The following TRMT44 variants were observed in gnomAD, a reference collection of about 807,000 sequenced individuals.
TRMT44 encodes probable tRNA (uracil-O(2)-)-methyltransferase.
Under a neutral mutation model 77.3 loss-of-function variants are expected in TRMT44, and 78 were observed. The observed-to-expected ratio is 1.01, with a 90% CI of 0.84 to 1.22. The LOEUF is 1.22. TRMT44 is among the 50% of genes most tolerant of loss of function. TRMT44 has a pLI of 0.00. For synonymous variants in TRMT44, 391 were observed against 383.3 expected (o/e 1.02, Z -0.23); for missense variants, 1,090 against 964.4 (o/e 1.13, Z -1.73).
intron 2 of TRMT44, among the ~76,000 whole-genome samples, chr4:8,447,804 C>T (rs917322713): frequency 6.6e-6 from 1 of 152,190 alleles, no homozygotes; most frequent in Non-Finnish European, 1.5e-5. Flanking sequence ...GGAGTGAGAG[C>T]AGACACTAGG....
At chr4:8,488,502 G>A (rs1727890322) in intron 2 of TRMT44, among the ~76,000 whole-genome samples, 1 of 152,256 alleles carries the variant, frequency 6.6e-6, no homozygotes, top group Non-Finnish European at 1.5e-5. Context: ...CTCAGGATGA[G>A]CCAGGAAAAG....
downstream of TRMT44, among the ~76,000 whole-genome samples, chr4:8,479,856 C>G (rs562564410): frequency 9.9e-5 from 15 of 152,168 alleles, no homozygotes; most frequent in Non-Finnish European, 1.9e-4. Flanking sequence ...CATCGTACAG[C>G]TGTACAAAAA....
chr4:8,494,212 T>G (rs1728090973), downstream of TRMT44, among the ~76,000 whole-genome samples: 1 of 151,634 alleles, frequency 6.6e-6, no homozygotes, highest in Non-Finnish European at 1.5e-5. Flanking sequence ...GCTGCATAGG[T>G]TTTAAAAAGC....
chr4:8,475,925 C>T lies in TRMT44; in HGVS notation c.2198C>T (p.Thr733Met), dbSNP rs758569191. ...CACCCTGATGGCTGCGCTCTGTCCA[C>T]GGACTGCTGCCCGTTTGCCCATGGG... Reference protein sequence around the residue: ...MHHPDGCALSTDCCPFAHGPA... With the variant: ...MHHPDGCALSMDCCPFAHGPA... The change falls in exon 11 of 11, where the codon ACG (threonine) becomes ATG (methionine). Residue 733 changes from threonine (T) to methionine (M), a missense_variant. Thr to Met is a moderately conservative substitution (Grantham distance 81, BLOSUM62 -1). Transcript: ENST00000389737. 6.2e-6 allele frequency: 10 copies of T among 1,614,202 alleles called. No homozygotes were observed. The highest frequency in any genetic ancestry group is 1.3e-5 in the African/African-American group (1 of 75,060).
intron 10 of TRMT44, among the ~76,000 whole-genome samples, chr4:8,472,565 T>G (rs973518603): frequency 2.6e-5 from 4 of 151,810 alleles, no homozygotes; most frequent in African/African-American, 7.3e-5. Context: ...AGTGCAAGCG[T>G]GTGGGTTTGT....
At chr4:8,454,461 T>C in intron 5 of TRMT44, 1 of 525,370 alleles carries the variant, frequency 1.9e-6, no homozygotes, top group South Asian at 2.2e-5. Context: ...ATCAGTACAG[T>C]ACTGTGCAGT....
chr4:8,441,345 G>A lies in TRMT44; in HGVS notation c.523G>A (p.Ala175Thr). ...CTCCGGGGCGGGATCGCAGCCAGAG[G>A]CGCAGCGTGAGCTCGACGTGGTTCT... ...TSSGAGSQPE[A>T]QRELDVVLRT... is the part of the protein sequence containing the mutation. The change falls in exon 1 of 11, where the codon GCG becomes ACG. Residue 175 changes from alanine (A) to threonine (T), a missense_variant. Transcript: ENST00000389737. 6 of 1,535,220 alleles carry A rather than the reference G, an allele frequency of 3.9e-6. No individual in the cohort carries two copies. Among genetic ancestry groups the A allele is most frequent in the Non-Finnish European group, 5.2e-6 (6 of 1,146,418 alleles).
chr4:8,465,294 G>A, intron 7 of TRMT44, 84 bp from the exon 8 acceptor site: 1 of 1,361,376 alleles, frequency 7.3e-7, no homozygotes, highest in Non-Finnish European at 1.0e-6. Flanking sequence ...CCTGATATGC[G>A]ATTGCCGTGT....
intron 2 of TRMT44, among the ~76,000 whole-genome samples, chr4:8,490,366 A>T (rs1190837688): frequency 6.6e-6 from 1 of 150,842 alleles, no homozygotes; most frequent in African/African-American, 2.4e-5. Context: ...TGATGCTCAG[A>T]TGTGTTCGGA....
chr4:8,456,553 A>G (rs1345337589), intron 6 of TRMT44, among the ~76,000 whole-genome samples: 1 of 152,146 alleles, frequency 6.6e-6, no homozygotes, highest in Non-Finnish European at 1.5e-5. Context: ...AAAAAAAAAA[A>G]AAAAGCAAGA....
Position 8,446,612 on chromosome 4 carries a change from C to G in TRMT44, c.734+22C>G, listed in dbSNP as rs1374845024. On this transcript the variant is annotated intron_variant, in intron 2 of 10. Transcript: ENST00000389737. The surrounding 1 kb of genome is among the most constrained non-coding windows in gnomAD (Gnocchi z 4.3). ...AATGGTAAGAGCTGGACAGTGGACT[C>G]CTAGTTTTATGGTTTCCATTGAGGA... 2.7e-6 allele frequency: 4 copies of G among 1,477,518 alleles called. No homozygotes were observed. The highest frequency in any genetic ancestry group is 3.6e-6 in the Non-Finnish European group (4 of 1,098,594). The allele number at this position is 1,477,518 out of a possible 1,614,324, so 91.5% of individuals were successfully genotyped here. A position where few individuals can be genotyped will look rare whatever the true frequency, so the allele number is the denominator to read the frequency against.
At chr4:8,448,273 C>T (rs752540380) in intron 2 of TRMT44, among the ~76,000 whole-genome samples, 4 of 152,196 alleles carry the variant, frequency 2.6e-5, no homozygotes, top group African/African-American at 7.2e-5. Flanking sequence ...GATTCATTTT[C>T]GGCAACATTT....
At chr4:8,458,695 T>C (rs569904311) in intron 6 of TRMT44, among the ~76,000 whole-genome samples, 2 of 152,068 alleles carry the variant, frequency 1.3e-5, no homozygotes, top group African/African-American at 4.8e-5. Flanking sequence ...CCTCAAGTGA[T>C]CCACCCACCT....
intron 6 of TRMT44, among the ~76,000 whole-genome samples, chr4:8,457,151 A>G (rs935452888): frequency 1.2e-4 from 18 of 152,160 alleles, no homozygotes; most frequent in African/African-American, 4.1e-4. Flanking sequence ...GCCAAAAAGG[A>G]GAGAAGTAAG....
chr4:8,476,510 G>A lies in TRMT44; in HGVS notation c.*509G>A, dbSNP rs1727399604. ...AAGGTGTCAGGCTTGCTATGTTGAGGTTGTTTTTAGAGTTACAGAGAATAA... is the reference window on the plus strand; with the variant it reads ...AAGGTGTCAGGCTTGCTATGTTGAGATTGTTTTTAGAGTTACAGAGAATAA... On this transcript the variant is annotated 3_prime_UTR_variant, in exon 11 of 11. Coordinates refer to ENST00000389737, the MANE Select transcript of TRMT44 (RefSeq NM_152544.3). The A allele has an allele frequency of 6.3e-6, 1 of 158,714 alleles. No homozygotes were observed. The highest frequency in any genetic ancestry group is 2.4e-5 in the African/African-American group (1 of 41,468). 9.8% of individuals were successfully genotyped at this position (158,714 alleles called of 1,614,324 possible).
chr4:8,516,169 C>T, the TRMT44 span, among the ~76,000 whole-genome samples: 2 of 152,190 alleles, frequency 1.3e-5, no homozygotes, highest in Non-Finnish European at 2.9e-5. Context: ...TGGGTGGCCA[C>T]GCTCCAACCC....
At position 8,452,794 on chromosome 4, in the gene TRMT44, A is replaced by C; in HGVS notation, c.1024-88A>C. The C allele has an allele frequency of 1.5e-6, 1 of 683,840 alleles. No homozygotes were observed. The allele number at this position is 683,840 out of a possible 1,614,324, so 42.4% of individuals were successfully genotyped here. On this transcript the variant is annotated intron_variant, in intron 4 of 10. Coordinates refer to ENST00000389737, the MANE Select transcript of TRMT44 (RefSeq NM_152544.3). This position sits in a 1 kb window ranked among gnomAD's most constrained non-coding sequence, Gnocchi z 5.7. ...GATGATTTCAAGTTTCCTTTCACTC[A>C]GAGTTTTCTTTGACCAGTTTGTGTC...
intron 8 of TRMT44, among the ~76,000 whole-genome samples, chr4:8,467,707 A>T (rs1025075735): frequency 6.6e-6 from 1 of 152,184 alleles, no homozygotes; most frequent in African/African-American, 2.4e-5. Context: ...TCTGAAACTC[A>T]AGTGATCCGC....
chr4:8,479,488 C>CA (rs1727546998), downstream of TRMT44: 1 of 152,132 alleles, frequency 6.6e-6, no homozygotes, highest in African/African-American at 2.4e-5. Context: ...GACGCCTGCA[C>CA]AGCACATTAA....
Sources: gnomAD v4.1 joint callset for allele counts (sites outside exome capture counted in the v4.1 genomes callset) on GRCh38, gnomAD v4.1.1 for gene constraint, Gnocchi (gnomAD v3.1) non-coding constraint, MANE v1.5 for transcripts, NCBI Gene and HGNC (gene_info 2026-07-23, HGNC 2026-07-21) for gene names.